The following ZNF577 variants were observed in gnomAD, a reference collection of about 807,000 sequenced individuals.
ZNF577 encodes the protein zinc finger protein 577.
ZNF577 carries 14 observed loss-of-function variants against 13.9 expected under a neutral mutation model. The observed-to-expected ratio is 1.00, with a 90% CI of 0.66 to 1.57. ZNF577 has a LOEUF of 1.57. ZNF577 is among the 40% of genes most tolerant of loss of function. The pLI is 0.00. For missense variants in ZNF577, 555 were observed against 579.2 expected (o/e 0.96, Z 0.43); for synonymous variants, 203 against 202.9 (o/e 1.00, Z 0.00).
At chr19:51,876,668 C>G (rs1404892112) in intron 5 of ZNF577, among the ~76,000 whole-genome samples, 1 of 152,102 alleles carries the variant, frequency 6.6e-6, no homozygotes, top group African/African-American at 2.4e-5. Context: ...TGGCTCATGC[C>G]TGAAATCCCA....
At chr19:51,867,033 CAGAAACA>C (rs1440362857), downstream of ZNF577, among the ~76,000 whole-genome samples, 6 of 152,122 alleles carry the variant, frequency 3.9e-5, no homozygotes, top group African/African-American at 1.4e-4. Flanking sequence ...AAGAAAGAAT[CAGAAACA>C]ACTTAAGTAC....
intron 5 of ZNF577, among the ~76,000 whole-genome samples, chr19:51,845,387 G>A (rs568559770): frequency 6.6e-6 from 1 of 152,156 alleles, no homozygotes; most frequent in South Asian, 2.1e-4. Flanking sequence ...TACCCGGGAG[G>A]CTGAGGCAGG....
chr19:51,827,928 T>C (rs763590100), intron 9 of ZNF577, among the ~76,000 whole-genome samples: 2 of 123,034 alleles, frequency 1.6e-5, no homozygotes, highest in Non-Finnish European at 3.4e-5. Flanking sequence ...TTTCTTCTCC[T>C]TTTCCCTTCT....
chr19:51,831,136 G>C (rs1046144617), intron 9 of ZNF577, among the ~76,000 whole-genome samples: 1 of 152,028 alleles, frequency 6.6e-6, no homozygotes, highest in African/African-American at 2.4e-5. Flanking sequence ...TTTTTTATGA[G>C]ATGGAGTCTC....
At chr19:51,882,635 T>C (rs752262148) in intron 1 of ZNF577, among the ~76,000 whole-genome samples, 9 of 151,728 alleles carry the variant, frequency 5.9e-5, no homozygotes, top group Admixed American at 4.6e-4. Context: ...AAATTAAAAA[T>C]TTGCCAGGCA....
chr19:51,812,023 C>T (rs2084100635), intron 9 of ZNF577, among the ~76,000 whole-genome samples: 1 of 152,200 alleles, frequency 6.6e-6, no homozygotes, highest in South Asian at 2.1e-4. Context: ...GAGTATACCT[C>T]GCTTTAACTA....
intron 5 of ZNF577, chr19:51,860,992 A>C (rs1288975982): frequency 7.2e-6 from 3 of 415,970 alleles, no homozygotes; most frequent in African/African-American, 4.3e-5. Context: ...ATGTGTAACA[A>C]ATATAATTTG....
intron 5 of ZNF577, among the ~76,000 whole-genome samples, chr19:51,854,187 TTCTG>T (rs976960960): frequency 1.3e-5 from 2 of 152,180 alleles, no homozygotes; most frequent in African/African-American, 4.8e-5. Context: ...AAAGTAGAGG[TTCTG>T]TCTATCATAT....
Position 51,868,725 on chromosome 19 carries a change from T to A in ZNF577, c.*3807A>T, listed in dbSNP as rs562585739. On this transcript the variant is annotated 3_prime_UTR_variant, in exon 6 of 6. Coordinates refer to ENST00000638348, the MANE Select transcript of ZNF577 (RefSeq NM_001370449.1). ...CTCATGTGTGTGGGGGAAAGAAAGATAGATCAGACTGCTACTGTGTCTATG... is the reference window on the plus strand; with the variant it reads ...CTCATGTGTGTGGGGGAAAGAAAGAAAGATCAGACTGCTACTGTGTCTATG... Among the ~76,000 whole-genome samples, 2 of 152,162 alleles carry A rather than the reference T, an allele frequency of 1.3e-5. No homozygotes were observed. The highest frequency in any genetic ancestry group is 1.9e-4 in the East Asian group (1 of 5,190).
In ZNF577 at chr19:51,873,525, C is replaced by T. The variant is rs1221050305; in HGVS notation, c.465G>A (p.Gly155=). The change falls in exon 6 of 6, where the codon GGG becomes GGA. Residue 155 remains glycine, a synonymous_variant. Transcript: ENST00000638348. ...CGCACACACTGCATTCATGTGGTTT[C>T]CCTCCTGCACAAATTTTTTGTAGGT... The part of the protein sequence containing the change: ...LNDLQKICAG[G]KPHECSVCGR... 1 of 1,614,084 alleles carries T rather than the reference C, an allele frequency of 6.2e-7. No homozygotes were observed. The highest frequency in any genetic ancestry group is 8.5e-7 in the Non-Finnish European group (1 of 1,180,042).
intron 9 of ZNF577, chr19:51,825,672 T>A (rs1017204447): frequency 6.0e-6 from 1 of 167,138 alleles, no homozygotes; most frequent in South Asian, 2.1e-4. Context: ...TCATTTAACC[T>A]TGGTCACATT....
Position 51,870,522 on chromosome 19 carries a change from G to A in ZNF577, c.*2010C>T, listed in dbSNP as rs2084642658. Among the ~76,000 whole-genome samples, 1 of 152,148 alleles carries A rather than the reference G, an allele frequency of 6.6e-6. No individual in the cohort carries two copies. The highest frequency in any genetic ancestry group is 2.4e-5 in the African/African-American group (1 of 41,424). ...CACTGTGATTCTCCAAATGTTAGGAGGCGTTTCCACTCCAGCTGGTGGAAA... is the reference window on the plus strand; with the variant it reads ...CACTGTGATTCTCCAAATGTTAGGAAGCGTTTCCACTCCAGCTGGTGGAAA... On this transcript the variant is annotated 3_prime_UTR_variant, in exon 6 of 6. Transcript: ENST00000638348.
At chr19:51,839,072 C>A (rs924848151) in intron 9 of ZNF577, among the ~76,000 whole-genome samples, 1 of 152,162 alleles carries the variant, frequency 6.6e-6, no homozygotes, top group Non-Finnish European at 1.5e-5. Context: ...CACACCATTC[C>A]AATAATCTTC....
At chr19:51,846,720 A>G (rs2084354539) in intron 5 of ZNF577, among the ~76,000 whole-genome samples, 1 of 152,058 alleles carries the variant, frequency 6.6e-6, no homozygotes, top group African/African-American at 2.4e-5. Flanking sequence ...AAAAAAAACA[A>G]GAAGAGAATT....
chr19:51,872,009 A>G lies in ZNF577; in HGVS notation c.*523T>C, dbSNP rs1364225844. 6.6e-6 allele frequency: 1 copy of G among 152,408 alleles called. No individual in the cohort carries two copies. The highest frequency in any genetic ancestry group is 1.5e-5 in the Non-Finnish European group (1 of 68,260). The allele number at this position is 152,408 out of a possible 1,614,324, so 9.4% of individuals were successfully genotyped here. A position where few individuals can be genotyped will look rare whatever the true frequency, so the allele number is the denominator to read the frequency against. On this transcript the variant is annotated 3_prime_UTR_variant, in exon 6 of 6. Coordinates refer to ENST00000638348, the MANE Select transcript of ZNF577 (RefSeq NM_001370449.1). ...AAAAAACTAACACAATTTTACTTCC[A>G]TATTTGTTATATTCATAGGTTTTCA...
rs185229172 is a variant in ZNF577 at position 51,867,578 on chromosome 19, G to C, written c.*4954C>G. 4.5e-4 allele frequency among the ~76,000 whole-genome samples: 66 copies of C among 147,816 alleles called. No homozygotes were observed. The East Asian group carries it at 0.012, about 28-fold the overall frequency. On this transcript the variant is annotated 3_prime_UTR_variant, in exon 6 of 6. Coordinates refer to ENST00000638348, the MANE Select transcript of ZNF577 (RefSeq NM_001370449.1). Reference sequence around the variant, plus strand: ...TCACAAGGTCAGGAGTTCGAGACCAGACTGGCCAACATGATGAAACCCCGT... The same window carrying C: ...TCACAAGGTCAGGAGTTCGAGACCACACTGGCCAACATGATGAAACCCCGT...
intron 5 of ZNF577, among the ~76,000 whole-genome samples, chr19:51,875,383 A>AAG (rs1247893027): frequency 3.2e-4 from 48 of 148,314 alleles, no homozygotes; most frequent in East Asian, 7.8e-4. Context: ...AAAAAAAAAA[A>AAG]AGAGAGAGCT....
chr19:51,810,215 A>G (rs2084087166), intron 10 of ZNF577, among the ~76,000 whole-genome samples: 1 of 152,224 alleles, frequency 6.6e-6, no homozygotes, highest in African/African-American at 2.4e-5. Flanking sequence ...AAAGTGATGA[A>G]GCTCAGTTCC....
At chr19:51,825,639 A>G (rs2084227330) in intron 9 of ZNF577, 1 of 167,142 alleles carries the variant, frequency 6.0e-6, no homozygotes, top group African/African-American at 2.4e-5. Context: ...TTAATACCAG[A>G]TACCCTAATC....
Sources: gnomAD v4.1 joint callset for allele counts (sites outside exome capture counted in the v4.1 genomes callset) on GRCh38, gnomAD v4.1.1 for gene constraint, MANE v1.5 for transcripts, NCBI Gene and HGNC (gene_info 2026-07-23, HGNC 2026-07-21) for gene names.